Variants in PXDNL observed in about 807,000 individuals in gnomAD.
The protein encoded by PXDNL is probable oxidoreductase PXDNL.
In PXDNL, 145 loss-of-function variants were observed where a neutral mutation model predicts 150.8. That is an observed-to-expected ratio of 0.96 (90% CI 0.84 to 1.10). PXDNL has a LOEUF of 1.10. PXDNL is among the 50% of genes least tolerant of loss of function. PXDNL has a pLI of 0.00. For missense variants in PXDNL, 2,087 were observed against 1,873.9 expected, an observed-to-expected ratio of 1.11 and a Z score of -2.10; for synonymous variants, 757 against 725.7, an observed-to-expected ratio of 1.04 and a Z score of -0.69.
chr8:51,565,282 CTAAATAAATAAATAAA>C lies in PXDNL; in HGVS notation c.309-8387_309-8372del, dbSNP rs60659791. On this transcript the variant is annotated intron_variant, in intron 3 of 22. Transcript: ENST00000356297. ...CCCTTCAGCTGCAATATATCTTTTC[CTAAATAAATAAATAAA>C]TAAATAAATAAATAAATAAATAAAT... is the stretch of plus-strand genomic sequence containing the variant. Among the ~76,000 whole-genome samples the C allele has an allele frequency of 1.6e-3, 208 of 132,564 alleles. 1 individual carries two copies. The highest frequency in any genetic ancestry group is 5.6e-3 in the African/African-American group (203 of 36,570). The allele number at this position is 132,564 out of a possible 152,430, so 87.0% of individuals were successfully genotyped here.
At chr8:51,711,413 C>T (rs1816494788) in intron 1 of PXDNL, among the ~76,000 whole-genome samples, 1 of 152,176 alleles carries the variant, frequency 6.6e-6, no homozygotes, top group South Asian at 2.1e-4. Context: ...GTTGGGATTA[C>T]AGGCATGAGC....
intron 2 of PXDNL, among the ~76,000 whole-genome samples, chr8:51,619,218 C>T (rs979822416): frequency 3.3e-5 from 5 of 152,308 alleles, no homozygotes; most frequent in Non-Finnish European, 7.3e-5. Context: ...AACCAGAAGG[C>T]CCTTTCCCTA....
intron 2 of PXDNL, among the ~76,000 whole-genome samples, chr8:51,651,786 T>G (rs1815042983): frequency 6.6e-6 from 1 of 151,956 alleles, no homozygotes; most frequent in Admixed American, 6.6e-5. Flanking sequence ...GTTTCCCAAA[T>G]GTATTACTCT....
chr8:51,549,388 A>G (rs1027422438), intron 4 of PXDNL, among the ~76,000 whole-genome samples: 1 of 152,130 alleles, frequency 6.6e-6, no homozygotes, highest in Non-Finnish European at 1.5e-5. Flanking sequence ...TATTTTTTTC[A>G]TCAGAACATG....
intron 11 of PXDNL, among the ~76,000 whole-genome samples, chr8:51,447,467 T>C (rs1563416118): frequency 6.6e-6 from 1 of 152,180 alleles, no homozygotes; most frequent in South Asian, 2.1e-4. Context: ...AAAGCAAATT[T>C]CAAAACCAAT....
chr8:51,759,161 G>T (rs2037135022), intron 1 of PXDNL, among the ~76,000 whole-genome samples: 2 of 152,074 alleles, frequency 1.3e-5, no homozygotes, highest in African/African-American at 2.4e-5. Flanking sequence ...GTTGAAGAAG[G>T]TACCTCATCT....
At chr8:51,608,857 A>T (rs978242746) in intron 2 of PXDNL, among the ~76,000 whole-genome samples, 1 of 150,116 alleles carries the variant, frequency 6.7e-6, no homozygotes, top group Non-Finnish European at 1.5e-5. Context: ...AAAAAAAAAA[A>T]AAGAAAGTAT....
chr8:51,395,250 G>A (rs1190724258), intron 17 of PXDNL, among the ~76,000 whole-genome samples: 2 of 152,194 alleles, frequency 1.3e-5, no homozygotes, highest in Non-Finnish European at 2.9e-5. Flanking sequence ...TCCAGATGCT[G>A]GGTGAACACA....
rs1349884745 is a variant in PXDNL, at chr8:51,494,034, G to C, written c.452+5665C>G. 1.1e-4 allele frequency among the ~76,000 whole-genome samples: 17 copies of C among 152,266 alleles called. No homozygotes were observed. The East Asian group carries it at 3.3e-3, about 29-fold the overall frequency. On this transcript the variant is annotated intron_variant, in intron 5 of 22. Transcript: ENST00000356297. ...AATGTTAAGGGCAGCCAGAGAGAAA[G>C]GTCGGGTTACCCACAAAGGGAAGCC...
intron 1 of PXDNL, among the ~76,000 whole-genome samples, chr8:51,786,086 C>A (rs1175304837): frequency 6.6e-6 from 1 of 152,162 alleles, no homozygotes; most frequent in Non-Finnish European, 1.5e-5. Flanking sequence ...CAACTATCTA[C>A]AGGAAAAAAG....
chr8:51,489,904 G>T (rs1810851022), intron 5 of PXDNL, among the ~76,000 whole-genome samples: 3 of 152,138 alleles, frequency 2.0e-5, no homozygotes, highest in Non-Finnish European at 2.9e-5. Context: ...CAAGAAAAAG[G>T]AAGAATGGAG....
chr8:51,776,739 T>C (rs1031737710), intron 1 of PXDNL, among the ~76,000 whole-genome samples: 4 of 152,108 alleles, frequency 2.6e-5, no homozygotes, highest in Non-Finnish European at 5.9e-5. Context: ...AATGATTCCC[T>C]CATTCTGCTT....
chr8:51,784,178 G>A (rs2037440063), intron 1 of PXDNL, among the ~76,000 whole-genome samples: 1 of 152,196 alleles, frequency 6.6e-6, no homozygotes, highest in African/African-American at 2.4e-5. Flanking sequence ...CTAGCAAGAG[G>A]TGGACATATT....
intron 1 of PXDNL, chr8:51,721,670 T>C (rs1445413077): frequency 8.8e-6 from 4 of 452,396 alleles, no homozygotes; most frequent in Non-Finnish European, 1.7e-5. Flanking sequence ...GTTGACTCAA[T>C]TCACTTTGCC....
chr8:51,734,371 G>A (rs568929564), intron 1 of PXDNL, among the ~76,000 whole-genome samples: 5 of 152,212 alleles, frequency 3.3e-5, no homozygotes, highest in African/African-American at 7.2e-5. Flanking sequence ...TTTGGCATAC[G>A]GTTTAGATAA....
chr8:51,696,520 C>T (rs1563509857), intron 1 of PXDNL, among the ~76,000 whole-genome samples: 1 of 152,190 alleles, frequency 6.6e-6, no homozygotes, highest in South Asian at 2.1e-4. Flanking sequence ...AACACTGATT[C>T]AACTGGGAGG....
intron 1 of PXDNL, among the ~76,000 whole-genome samples, chr8:51,676,359 C>T (rs1815622788): frequency 6.6e-6 from 1 of 152,128 alleles, no homozygotes; most frequent in South Asian, 2.1e-4. Flanking sequence ...TCACCACAAC[C>T]TCTGCTTGCC....
At chr8:51,549,740 CA>C (rs57078615) in intron 4 of PXDNL, among the ~76,000 whole-genome samples, 37,811 of 151,798 alleles carry the variant, frequency 0.25, 5,437 homozygotes, top group African/African-American at 0.38. Context: ...TAAAAGAGCA[CA>C]AACAGACAAT....
At chr8:51,639,971 C>T (rs1162641172) in intron 2 of PXDNL, among the ~76,000 whole-genome samples, 1 of 151,944 alleles carries the variant, frequency 6.6e-6, no homozygotes, top group African/African-American at 2.4e-5. Context: ...ACTGGCAAAC[C>T]GAATCCAGCA....
Sources: allele counts gnomAD v4.1 joint callset (sites outside exome capture counted in the v4.1 genomes callset), GRCh38; gene constraint gnomAD v4.1.1; transcripts MANE v1.5; gene names NCBI Gene and HGNC (gene_info 2026-07-23, HGNC 2026-07-21).